SPIDR: variants seen among roughly 807,000 people sequenced by gnomAD.
SPIDR encodes the protein DNA repair-scaffolding protein.
In SPIDR, 93 loss-of-function variants were observed where a neutral mutation model predicts 104.6. The ratio of observed to expected loss-of-function variants is 0.89; its 90% CI spans 0.75 to 1.06. SPIDR has a LOEUF of 1.06. Among genes scored for constraint, SPIDR ranks in the 50% least tolerant of loss-of-function variants. SPIDR has a pLI of 0.00. For missense variants in SPIDR, 1,154 were observed against 1,111.2 expected (o/e 1.04, Z -0.55); for synonymous variants, 431 against 416.9 (o/e 1.03, Z -0.41).
At chr8:47,671,137 T>G (rs2075734477) in intron 10 of SPIDR, among the ~76,000 whole-genome samples, 1 of 152,144 alleles carries the variant, frequency 6.6e-6, no homozygotes, top group Non-Finnish European at 1.5e-5. Context: ...CTCGAACTCC[T>G]AGACTCAAGT....
At chr8:47,291,442 C>T (rs1040326916) in intron 4 of SPIDR, among the ~76,000 whole-genome samples, 3 of 152,112 alleles carry the variant, frequency 2.0e-5, no homozygotes, top group Non-Finnish European at 4.4e-5. Context: ...AACAGTCTGG[C>T]GGTTTCTTAA....
chr8:47,583,009 C>T (rs957433876), intron 8 of SPIDR, among the ~76,000 whole-genome samples: 1 of 151,956 alleles, frequency 6.6e-6, no homozygotes, highest in African/African-American at 2.4e-5. Context: ...GTGTGTGTAA[C>T]TCTTCCACAT....
chr8:47,629,001 A>G (rs997426286), intron 10 of SPIDR, among the ~76,000 whole-genome samples: 3 of 152,202 alleles, frequency 2.0e-5, no homozygotes, highest in Admixed American at 6.5e-5. Flanking sequence ...AAAGTGCTAA[A>G]TGATTAAGTT....
intron 8 of SPIDR, among the ~76,000 whole-genome samples, chr8:47,507,087 A>G (rs891512165): frequency 1.3e-5 from 2 of 152,202 alleles, no homozygotes; most frequent in Admixed American, 1.3e-4. Flanking sequence ...GTAAGCATTC[A>G]GATGGACACC....
At chr8:47,534,333 A>G (rs2086552070) in intron 8 of SPIDR, among the ~76,000 whole-genome samples, 1 of 152,210 alleles carries the variant, frequency 6.6e-6, no homozygotes, top group African/African-American at 2.4e-5. Flanking sequence ...CATCCATGTG[A>G]ATGTTTATTG....
chr8:47,480,793 T>C (rs1345841512), intron 8 of SPIDR, among the ~76,000 whole-genome samples: 1 of 152,220 alleles, frequency 6.6e-6, no homozygotes, highest in East Asian at 1.9e-4. Flanking sequence ...CAGCATCTAT[T>C]CCTGAGGCCC....
At chr8:47,416,782 C>A (rs567842727) in intron 7 of SPIDR, among the ~76,000 whole-genome samples, 1 of 152,198 alleles carries the variant, frequency 6.6e-6, no homozygotes, top group Admixed American at 6.5e-5. Flanking sequence ...TGCCCCCACC[C>A]CACCCACAAC....
At chr8:47,661,088 G>T (rs542781818) in intron 10 of SPIDR, 3 of 331,540 alleles carry the variant, frequency 9.0e-6, no homozygotes, top group African/African-American at 6.7e-5. Context: ...ATGAAAGTGG[G>T]GGTTATTGGG....
chr8:47,718,782 A>C (rs932673913), intron 16 of SPIDR, among the ~76,000 whole-genome samples: 2 of 151,842 alleles, frequency 1.3e-5, no homozygotes, highest in South Asian at 2.1e-4. Context: ...TTTCCCCTCA[A>C]CTTTTAAGTT....
intron 17 of SPIDR, 101 bp from the exon 18 acceptor site, chr8:47,728,832 T>C: frequency 7.2e-7 from 1 of 1,385,122 alleles, no homozygotes; most frequent in Non-Finnish European, 9.8e-7. Flanking sequence ...CCCCGTTTTC[T>C]AGCTCAGCAG....
At chr8:47,521,723 CTCTT>C (rs2084131438) in intron 8 of SPIDR, among the ~76,000 whole-genome samples, 1 of 151,754 alleles carries the variant, frequency 6.6e-6, no homozygotes, top group Admixed American at 6.6e-5. Context: ...CGCCTGGCCA[CTCTT>C]TATTTTTTTA....
chr8:47,645,255 G>C (rs2070095979), intron 10 of SPIDR, among the ~76,000 whole-genome samples: 1 of 152,192 alleles, frequency 6.6e-6, no homozygotes, highest in Admixed American at 6.5e-5. Context: ...AGTGCTTATG[G>C]TGAAAAGCAG....
intron 3 of SPIDR, among the ~76,000 whole-genome samples, chr8:47,287,614 G>A: frequency 6.6e-6 from 1 of 152,108 alleles, no homozygotes. Context: ...AAAGAATTTA[G>A]CAATATCTTC....
intron 9 of SPIDR, among the ~76,000 whole-genome samples, chr8:47,597,576 G>C (rs2061761653): frequency 6.6e-6 from 1 of 152,116 alleles, no homozygotes; most frequent in Non-Finnish European, 1.5e-5. Context: ...AGTGCATGCT[G>C]GTATTTGACA....
intron 10 of SPIDR, among the ~76,000 whole-genome samples, chr8:47,655,909 G>A (rs1486622247): frequency 6.6e-6 from 1 of 152,154 alleles, no homozygotes; most frequent in Non-Finnish European, 1.5e-5. Flanking sequence ...AAGGCATAAT[G>A]CCTTACATTT....
chr8:47,725,960 A>T (rs1337513265), intron 16 of SPIDR, among the ~76,000 whole-genome samples: 1 of 152,260 alleles, frequency 6.6e-6, no homozygotes, highest in African/African-American at 2.4e-5. Context: ...TCAGTAAACC[A>T]GTGAGTGGGC....
chr8:47,422,293 C>G (rs1554681425), intron 7 of SPIDR, among the ~76,000 whole-genome samples: 5 of 152,176 alleles, frequency 3.3e-5, no homozygotes. Flanking sequence ...TTTACCTACT[C>G]AAGCCTCAGC....
intron 8 of SPIDR, among the ~76,000 whole-genome samples, chr8:47,572,691 A>C (rs1335617852): frequency 6.6e-6 from 1 of 151,166 alleles, no homozygotes; most frequent in Non-Finnish European, 1.5e-5. Flanking sequence ...TAAATAAATA[A>C]ATAAATAAAT....
intron 5 of SPIDR, among the ~76,000 whole-genome samples, chr8:47,386,902 GAGATAT>G (rs201038403): frequency 0.09 from 8,881 of 98,312 alleles, 411 homozygotes; most frequent in South Asian, 0.16. Flanking sequence ...AAGAGAGAGA[GAGATAT>G]AGATATAGAT....
Sources: allele counts gnomAD v4.1 joint callset (sites outside exome capture counted in the v4.1 genomes callset), GRCh38; gene constraint gnomAD v4.1.1; transcripts MANE v1.5; gene names NCBI Gene and HGNC (gene_info 2026-07-23, HGNC 2026-07-21).